The following RBFOX3 variants were observed in gnomAD, a reference collection of about 807,000 sequenced individuals.
The protein encoded by RBFOX3 is RNA binding fox-1 homolog 3.
RBFOX3 carries 17 observed loss-of-function variants against 48.7 expected under a neutral mutation model. That is an observed-to-expected ratio of 0.35 (90% CI 0.24 to 0.52). The LOEUF (loss-of-function observed/expected upper bound fraction) is 0.52, where lower values mean the gene tolerates loss of function less well. RBFOX3 is among the 20% of genes least tolerant of loss of function. The probability of loss-of-function intolerance (pLI) is 0.94; values close to 1 mark genes in which losing one functional copy is unlikely to be tolerated. For missense variants in RBFOX3, 382 were observed against 497.5 expected (o/e 0.77, Z 2.21); for synonymous variants, 212 against 209.5 (o/e 1.01, Z -0.10).
At chr17:79,500,250 CT>C (rs1222646327) in intron 1 of RBFOX3, among the ~76,000 whole-genome samples, 3,359 of 104,266 alleles carry the variant, frequency 0.032, 69 homozygotes, top group African/African-American at 0.11. Flanking sequence ...AGAGAAATGA[CT>C]TTTTTTTTTT....
chr17:79,622,201 ACCG>A, the RBFOX3 span, among the ~76,000 whole-genome samples: 10 of 152,030 alleles, frequency 6.6e-5, no homozygotes, highest in African/African-American at 2.4e-4. Context: ...GCTGGCCACC[ACCG>A]CCAGCCAGAC....
At chr17:79,396,626 G>A (rs528722378) in intron 2 of RBFOX3, among the ~76,000 whole-genome samples, 36 of 152,170 alleles carry the variant, frequency 2.4e-4, no homozygotes, top group African/African-American at 7.7e-4. Context: ...TGGCCACCCC[G>A]TCATTATCCA....
intron 1 of RBFOX3, among the ~76,000 whole-genome samples, chr17:79,591,811 G>C (rs2093424202): frequency 6.6e-6 from 1 of 151,876 alleles, no homozygotes; most frequent in African/African-American, 2.4e-5. Context: ...GAGGGTGTGA[G>C]GAGGGGTGTG....
At chr17:79,478,518 C>T (rs1169516486) in intron 2 of RBFOX3, among the ~76,000 whole-genome samples, 1 of 152,254 alleles carries the variant, frequency 6.6e-6, no homozygotes, top group Non-Finnish European at 1.5e-5. Context: ...AGCTCCAGAA[C>T]AAAGATGCTC....
Position 79,227,761 on chromosome 17 carries a change from A to G in RBFOX3, c.-34+8005T>C, listed in dbSNP as rs2060491211. ...TCAGTGTCCAGGTGAGGGTGGGAGA[A>G]ATCCAGGGGCAGGGGAAGGTAGGCT... On this transcript the variant is annotated intron_variant, in intron 4 of 14. Transcript: ENST00000693108. Among the ~76,000 whole-genome samples, 3 of 152,080 alleles carry G rather than the reference A, an allele frequency of 2.0e-5. No individual in the cohort carries two copies. The South Asian group carries it at 6.2e-4, about 32-fold the overall frequency.
upstream of RBFOX3, among the ~76,000 whole-genome samples, chr17:79,611,173 T>TCTCTCTCTCTCTCTCC (rs2093964578): frequency 7.7e-5 from 2 of 25,982 alleles, no homozygotes; most frequent in East Asian, 1.0e-3. Context: ...TCTCTCTCTC[T>TCTCTCTCTCTCTCTCC]CCGCCCTCCT....
At chr17:79,419,258 G>A (rs946178152) in intron 2 of RBFOX3, among the ~76,000 whole-genome samples, 2 of 152,204 alleles carry the variant, frequency 1.3e-5, no homozygotes, top group Non-Finnish European at 2.9e-5. Context: ...CCCCGTGAGA[G>A]GCCTCTCCCC....
chr17:79,159,819 G>C (rs1217107797), intron 4 of RBFOX3, among the ~76,000 whole-genome samples: 3 of 152,204 alleles, frequency 2.0e-5, no homozygotes, highest in African/African-American at 7.2e-5. Flanking sequence ...ACACCCTACA[G>C]CTGCTGAGGA....
chr17:79,174,245 A>G (rs2145844184), intron 4 of RBFOX3, among the ~76,000 whole-genome samples: 1 of 152,264 alleles, frequency 6.6e-6, no homozygotes, highest in African/African-American at 2.4e-5. Flanking sequence ...AGTCCCACAC[A>G]CACAGGCACA....
At chr17:79,342,642 T>G (rs1204720749) in intron 2 of RBFOX3, among the ~76,000 whole-genome samples, 1 of 151,582 alleles carries the variant, frequency 6.6e-6, no homozygotes, top group Non-Finnish European at 1.5e-5. Flanking sequence ...AAGGATGACC[T>G]GGAGGAACTG....
chr17:79,475,575 G>A (rs2077612143), intron 2 of RBFOX3, among the ~76,000 whole-genome samples: 1 of 152,236 alleles, frequency 6.6e-6, no homozygotes, highest in Non-Finnish European at 1.5e-5. Context: ...GGTCTTTGCA[G>A]ATGTGATGAA....
rs1555757204 is a variant in RBFOX3 at position 79,471,875 on chromosome 17, G to A, written c.-175+10579C>T. Reference sequence around the variant, plus strand: ...GGTCGAGGGAGAACACTTCAAGAGAGGCGACTAAATCTCCACCAAGCACAT... The same window carrying A: ...GGTCGAGGGAGAACACTTCAAGAGAAGCGACTAAATCTCCACCAAGCACAT... On this transcript the variant is annotated intron_variant, in intron 2 of 14. Coordinates refer to ENST00000693108, the MANE Select transcript of RBFOX3 (RefSeq NM_001350451.2). This position sits in a 1 kb window ranked among gnomAD's most constrained non-coding sequence, Gnocchi z 4.0. Among the ~76,000 whole-genome samples the A allele has an allele frequency of 6.6e-6, 1 of 152,166 alleles. No homozygotes were observed.
chr17:79,648,337 C>G, the RBFOX3 span, among the ~76,000 whole-genome samples: 6 of 152,146 alleles, frequency 3.9e-5, no homozygotes, highest in African/African-American at 1.4e-4. Context: ...CAGTCAGGAC[C>G]TAACTCACGG....
rs995188509 is a variant in RBFOX3 at position 79,205,601 on chromosome 17, G to T, written c.-34+30165C>A. Among the ~76,000 whole-genome samples the T allele has an allele frequency of 6.6e-6, 1 of 152,068 alleles. No individual in the cohort carries two copies. The highest frequency in any genetic ancestry group is 2.4e-5 in the African/African-American group (1 of 41,380). On this transcript the variant is annotated intron_variant, in intron 4 of 14. Coordinates refer to ENST00000693108, the MANE Select transcript of RBFOX3 (RefSeq NM_001350451.2). The surrounding 1 kb of genome is among the most constrained non-coding windows in gnomAD (Gnocchi z 4.5). The stretch of plus-strand genomic sequence containing the variant: ...AATACTTAAAGGAAGCAAGGATGAG[G>T]TCCCCATCCTATCCTTGTTCAATTC...
chr17:79,117,257 CT>C (rs1433904095), intron 4 of RBFOX3, among the ~76,000 whole-genome samples: 5 of 152,226 alleles, frequency 3.3e-5, no homozygotes, highest in Admixed American at 3.3e-4. Context: ...GTTAGGACCC[CT>C]GCTCAGATGT....
At chr17:79,577,417 G>A (rs1444623722) in intron 1 of RBFOX3, among the ~76,000 whole-genome samples, 4 of 152,160 alleles carry the variant, frequency 2.6e-5, no homozygotes, top group Non-Finnish European at 5.9e-5. Flanking sequence ...GACTCAATTC[G>A]GCAGGGGAAA....
At chr17:79,664,495 C>T in the RBFOX3 span, among the ~76,000 whole-genome samples, 3 of 152,082 alleles carry the variant, frequency 2.0e-5, no homozygotes, top group Non-Finnish European at 2.9e-5. Flanking sequence ...TACAGGCGCC[C>T]ACCACCTCAC....
At chr17:79,122,836 T>G (rs1431195988) in intron 4 of RBFOX3, among the ~76,000 whole-genome samples, 1 of 151,788 alleles carries the variant, frequency 6.6e-6, no homozygotes, top group Non-Finnish European at 1.5e-5. Flanking sequence ...GTAAAGAAAA[T>G]GTGGTACAGA....
chr17:79,315,105 G>A (rs2077359021), intron 2 of RBFOX3, among the ~76,000 whole-genome samples: 1 of 152,216 alleles, frequency 6.6e-6, no homozygotes, highest in Non-Finnish European at 1.5e-5. Context: ...CAAAGCTGGT[G>A]TCAAAGCACA....
Sources: allele counts gnomAD v4.1 joint callset (sites outside exome capture counted in the v4.1 genomes callset), GRCh38; gene constraint gnomAD v4.1.1; non-coding constraint Gnocchi (gnomAD v3.1); transcripts MANE v1.5; gene names NCBI Gene and HGNC (gene_info 2026-07-23, HGNC 2026-07-21).